The following BNIP3 variants were observed in gnomAD, a reference collection of about 807,000 sequenced individuals.
BNIP3 encodes BCL2 interacting protein 3.
In BNIP3, 16 loss-of-function variants were observed where a neutral mutation model predicts 23.9. The ratio of observed to expected loss-of-function variants is 0.67; its 90% confidence interval spans 0.45 to 1.01. The LOEUF is 1.01. BNIP3 is among the 50% of genes least tolerant of loss of function. The pLI, the probability that BNIP3 is intolerant of heterozygous loss-of-function variation, is 0.00. For synonymous variants in BNIP3, 81 were observed against 89.3 expected (o/e 0.91, Z 0.53); for missense variants, 198 against 248.7 (o/e 0.80, Z 1.37).
intron 3 of BNIP3, chr10:131,971,637 C>T (rs958671590): frequency 1.3e-5 from 2 of 151,988 alleles, no homozygotes; most frequent in African/African-American, 2.4e-5. Flanking sequence ...ACAGTGAAAA[C>T]GGCAAGACCC....
At chr10:131,978,258 T>C (rs1029358290) in intron 1 of BNIP3, among the ~76,000 whole-genome samples, 17 of 152,006 alleles carry the variant, frequency 1.1e-4, no homozygotes, top group Admixed American at 1.1e-3. Context: ...GTAGATGAGA[T>C]TTTGAAAAGC....
chr10:131,971,068 C>CA (rs2037027908), intron 3 of BNIP3, 98 bp from the exon 4 acceptor site: 1 of 1,109,232 alleles, frequency 9.0e-7, no homozygotes, highest in African/African-American at 1.5e-5. Context: ...AGGCTCAATT[C>CA]AAGAGCCCAG....
intron 1 of BNIP3, among the ~76,000 whole-genome samples, chr10:131,974,541 C>CT (rs1471464137): frequency 6.6e-6 from 1 of 152,214 alleles, no homozygotes; most frequent in African/African-American, 2.4e-5. Flanking sequence ...GCATGCACCA[C>CT]TACTCCTGGC....
At chr10:131,979,781 T>C (rs763687467) in intron 1 of BNIP3, among the ~76,000 whole-genome samples, 1 of 152,226 alleles carries the variant, frequency 6.6e-6, no homozygotes, top group Non-Finnish European at 1.5e-5. Context: ...ATTAACTCTT[T>C]AGGAAAAGCA....
intron 3 of BNIP3, among the ~76,000 whole-genome samples, chr10:131,972,189 C>CT (rs888038915): frequency 6.6e-6 from 1 of 152,152 alleles, no homozygotes; most frequent in African/African-American, 2.4e-5. Context: ...ACTTTTTCCT[C>CT]TAAGACTCAC....
intron 2 of BNIP3, chr10:131,973,519 G>C: frequency 1.9e-6 from 1 of 516,544 alleles, no homozygotes; most frequent in Non-Finnish European, 3.5e-6. Flanking sequence ...GCTGAGGCGC[G>C]TGAGTGCGTT....
chr10:131,973,979 C>T, intron 1 of BNIP3, 36 bp from the exon 2 acceptor site: 1 of 1,611,222 alleles, frequency 6.2e-7, no homozygotes, highest in Non-Finnish European at 8.5e-7. Context: ...AGATGGAATT[C>T]TCTACCCACT....
intron 1 of BNIP3, among the ~76,000 whole-genome samples, chr10:131,975,111 T>C (rs147233472): frequency 1.5e-3 from 227 of 152,354 alleles, no homozygotes; most frequent in African/African-American, 5.2e-3. Flanking sequence ...TCTATTATTT[T>C]CACACAGCTC....
chr10:131,979,536 G>C (rs1352972035), intron 1 of BNIP3, among the ~76,000 whole-genome samples: 1 of 152,066 alleles, frequency 6.6e-6, no homozygotes, highest in African/African-American at 2.4e-5. Context: ...ACCGTGACAC[G>C]GTCTCGTCAC....
intron 2 of BNIP3, 56 bp downstream of exon 2, chr10:131,973,737 G>A: frequency 6.3e-7 from 1 of 1,594,398 alleles, no homozygotes; most frequent in South Asian, 1.1e-5. Context: ...AGCTGTGACT[G>A]TCACCCACTG....
Position 131,970,603 on chromosome 10 carries a change from T to C in BNIP3, c.539+35A>G. On this transcript the variant is annotated intron_variant, in intron 5 of 5. Transcript: ENST00000368636. This position sits in a 1 kb window ranked among gnomAD's most constrained non-coding sequence, Gnocchi z 4.1. ...TGCAACCCAGAATCGCCCCACGACA[T>C]GCCATGACAGGAGTCACACAGTCAC... is the stretch of plus-strand genomic sequence containing the variant. The C allele has an allele frequency of 6.2e-7, 1 of 1,607,678 alleles. No individual in the cohort carries two copies. Among genetic ancestry groups the C allele is most frequent in the Non-Finnish European group, 8.5e-7 (1 of 1,176,418 alleles).
chr10:131,968,474 C>G lies in BNIP3; in HGVS notation c.*50G>C, dbSNP rs1447654705. ...AACAGCTCTTCAGTGAGCTATGTTG[C>G]AAGCTCAGAAGTAATCCACTAACGA... is the stretch of plus-strand genomic sequence containing the variant. On this transcript the variant is annotated 3_prime_UTR_variant, in exon 6 of 6. Coordinates refer to ENST00000368636, the MANE Select transcript of BNIP3 (RefSeq NM_004052.4). 1 of 1,467,312 alleles carries G rather than the reference C, an allele frequency of 6.8e-7. No homozygotes were observed. The highest frequency in any genetic ancestry group is 2.3e-5 in the East Asian group (1 of 44,098). 90.9% of individuals were successfully genotyped at this position (1,467,312 alleles called of 1,614,324 possible). A position where few individuals can be genotyped will look rare whatever the true frequency, so the allele number is the denominator to read the frequency against.
In BNIP3 at chr10:131,968,264, A is replaced by G. The variant is rs45529444; in HGVS notation, c.*260T>C. 669 of 307,290 alleles carry G rather than the reference A, an allele frequency of 2.2e-3. 7 individuals are homozygous for G. The East Asian group carries it at 0.023, about 10-fold the overall frequency. 19.0% of individuals were successfully genotyped at this position (307,290 alleles called of 1,614,324 possible). Reference sequence around the variant, plus strand: ...ATTTATATTCAGATATTTATATCTAATATCAAATGAAAATTTACTACCAAA... The same window carrying G: ...ATTTATATTCAGATATTTATATCTAGTATCAAATGAAAATTTACTACCAAA... On this transcript the variant is annotated 3_prime_UTR_variant, in exon 6 of 6. Coordinates refer to ENST00000368636, the MANE Select transcript of BNIP3 (RefSeq NM_004052.4).
intron 2 of BNIP3, chr10:131,973,347 C>G (rs1272620041): frequency 3.8e-6 from 2 of 528,474 alleles, no homozygotes; most frequent in African/African-American, 3.8e-5. Flanking sequence ...GACGCAGGGG[C>G]AACTGGCAAG....
chr10:131,981,239 C>CCATAAT (rs2037116266), intron 1 of BNIP3: 1 of 155,798 alleles, frequency 6.4e-6, no homozygotes, highest in Admixed American at 6.5e-5. Flanking sequence ...ATTTTAAAAA[C>CCATAAT]GCTGTAACCC....
rs539838149 is a variant in BNIP3, at chr10:131,968,416, A to C, written c.*108T>G. The C allele has an allele frequency of 2.0e-5, 18 of 895,986 alleles. No homozygotes were observed. In the East Asian group the frequency reaches 4.0e-4, roughly 20 times the overall value. 55.5% of individuals were successfully genotyped at this position (895,986 alleles called of 1,614,324 possible). A position where few individuals can be genotyped will look rare whatever the true frequency, so the allele number is the denominator to read the frequency against. On this transcript the variant is annotated 3_prime_UTR_variant, in exon 6 of 6. Coordinates refer to ENST00000368636, the MANE Select transcript of BNIP3 (RefSeq NM_004052.4). Reference sequence around the variant, plus strand: ...TAGGAACGCAGCATTTACAGAACAAATAAACACAAGTGACGTGGCCACCCC... The same window carrying C: ...TAGGAACGCAGCATTTACAGAACAACTAAACACAAGTGACGTGGCCACCCC...
In BNIP3 at chr10:131,978,832, G is replaced by C. The variant is rs543933538; in HGVS notation, c.46+2929C>G. 3.3e-5 allele frequency among the ~76,000 whole-genome samples: 5 copies of C among 152,318 alleles called. No individual in the cohort carries two copies. The South Asian group carries it at 1.0e-3, about 32-fold the overall frequency. ...GCAGAGGAGCTGTGAACCCCCGAGG[G>C]AACTAGCACCCCAAAACCATACAAA... On this transcript the variant is annotated intron_variant, in intron 1 of 5. Coordinates refer to ENST00000368636, the MANE Select transcript of BNIP3 (RefSeq NM_004052.4).
chr10:131,978,444 T>G (rs2133695761), intron 1 of BNIP3, among the ~76,000 whole-genome samples: 1 of 150,782 alleles, frequency 6.6e-6, no homozygotes, highest in South Asian at 2.1e-4. Flanking sequence ...CAGTTCTCCC[T>G]CCAGTGACAG....
chr10:131,972,740 A>G (rs1244350184), intron 3 of BNIP3, among the ~76,000 whole-genome samples: 2 of 152,134 alleles, frequency 1.3e-5, no homozygotes, highest in Non-Finnish European at 2.9e-5. Flanking sequence ...GCCACCAGGG[A>G]GCCCTTCCTC....
Sources: allele counts gnomAD v4.1 joint callset (sites outside exome capture counted in the v4.1 genomes callset), GRCh38; gene constraint gnomAD v4.1.1; non-coding constraint Gnocchi (gnomAD v3.1); transcripts MANE v1.5; gene names NCBI Gene and HGNC (gene_info 2026-07-23, HGNC 2026-07-21).